The following DACH2 variants were observed in gnomAD, a reference collection of about 807,000 sequenced individuals.
The protein encoded by DACH2 is dachshund homolog 2.
DACH2 carries 17 observed loss-of-function variants against 35.8 expected under a neutral mutation model. The observed-to-expected ratio is 0.48, with a 90% confidence interval of 0.33 to 0.71. The LOEUF is 0.71. DACH2 is among the 30% of genes least tolerant of loss of function. The pLI is 0.02. For synonymous variants in DACH2, 195 were observed against 177.3 expected (o/e 1.10, Z -0.79); for missense variants, 469 against 472.7 (o/e 0.99, Z 0.07).
chrX:86,418,373 C>T (rs1006600832), intron 2 of DACH2, among the ~76,000 whole-genome samples: 1 of 112,272 alleles, frequency 8.9e-6, no homozygotes, highest in East Asian at 2.8e-4. Flanking sequence ...CATGAGAACC[C>T]TTTCCCTGCA....
At chrX:86,819,604 T>C (rs776504871) in intron 11 of DACH2, among the ~76,000 whole-genome samples, 15 of 112,152 alleles carry the variant, frequency 1.3e-4, no homozygotes, top group African/African-American at 4.8e-4. Flanking sequence ...TTCTGCCATT[T>C]AGTTATTATC....
intron 2 of DACH2, among the ~76,000 whole-genome samples, chrX:86,413,322 C>T (rs973337709): frequency 3.6e-5 from 4 of 111,913 alleles, no homozygotes; most frequent in African/African-American, 6.5e-5. Context: ...TTGCTGGTCT[C>T]GCCAGCTGAA....
chrX:86,651,461 A>G (rs2040477520), intron 4 of DACH2, among the ~76,000 whole-genome samples: 1 of 106,178 alleles, frequency 9.4e-6, no homozygotes, highest in Admixed American at 1.0e-4. Context: ...AGACTGGTCC[A>G]CTCAGCATCA....
intron 1 of DACH2, among the ~76,000 whole-genome samples, chrX:86,212,933 TC>T (rs2032480905): frequency 9.0e-6 from 1 of 111,472 alleles, no homozygotes; most frequent in African/African-American, 3.3e-5. Flanking sequence ...GTGACTTACT[TC>T]CGCCATAGAA....
chrX:86,337,070 G>A (rs1007803586), intron 1 of DACH2, among the ~76,000 whole-genome samples: 7 of 110,390 alleles, frequency 6.3e-5, no homozygotes, highest in Non-Finnish European at 1.1e-4. Flanking sequence ...AGAAATATGG[G>A]AATATGTGAA....
chrX:86,284,158 G>A (rs897100997), intron 1 of DACH2, among the ~76,000 whole-genome samples: 1 of 111,452 alleles, frequency 9.0e-6, no homozygotes, highest in Non-Finnish European at 1.9e-5. Context: ...GATGAAAGTG[G>A]GCATTCTTGT....
intron 1 of DACH2, among the ~76,000 whole-genome samples, chrX:86,223,943 G>T (rs184299183): frequency 3.6e-5 from 4 of 111,929 alleles, no homozygotes; most frequent in Non-Finnish European, 7.5e-5. Context: ...TGTATAGCTT[G>T]TATGTCTTAG....
At chrX:86,767,913 TTTTGTTTG>T (rs763857268) in intron 7 of DACH2, among the ~76,000 whole-genome samples, 16 of 110,921 alleles carry the variant, frequency 1.4e-4, no homozygotes, top group African/African-American at 4.0e-4. Context: ...TCTGATGGGG[TTTTGTTTG>T]TTTGTTTGTT....
At chrX:86,811,809 T>C (rs1435815717) in intron 7 of DACH2, among the ~76,000 whole-genome samples, 3 of 112,176 alleles carry the variant, frequency 2.7e-5, no homozygotes, top group Non-Finnish European at 3.8e-5. Flanking sequence ...AATAACCAAG[T>C]ATTCAGGGTT....
intron 1 of DACH2, among the ~76,000 whole-genome samples, chrX:86,237,570 T>G (rs993208485): frequency 3.9e-4 from 43 of 111,504 alleles, no homozygotes; most frequent in Non-Finnish European, 3.2e-4. Context: ...GCCCGAGTTT[T>G]TACTTGAGCC....
intron 7 of DACH2, among the ~76,000 whole-genome samples, chrX:86,767,928 TG>T (rs766953710): frequency 9.0e-6 from 1 of 111,328 alleles, no homozygotes; most frequent in East Asian, 2.8e-4. Context: ...TTTGTTTGTT[TG>T]TTTGTTGTTT....
chrX:86,675,747 G>GTT (rs201773598), intron 4 of DACH2, among the ~76,000 whole-genome samples: 13 of 108,892 alleles, frequency 1.2e-4, no homozygotes, highest in African/African-American at 3.7e-4. Context: ...GAAATTAAGA[G>GTT]TTTTTTTTTC....
At chrX:86,758,646 A>G (rs1439898144) in intron 7 of DACH2, among the ~76,000 whole-genome samples, 3 of 112,036 alleles carry the variant, frequency 2.7e-5, no homozygotes, top group Non-Finnish European at 1.9e-5. Context: ...GTCTTCTCAT[A>G]TATAATCTGT....
At chrX:86,405,952 C>G (rs2036521084) in intron 2 of DACH2, among the ~76,000 whole-genome samples, 1 of 110,743 alleles carries the variant, frequency 9.0e-6, no homozygotes. Flanking sequence ...GTGGGGAACC[C>G]CCTTATGAAA....
chrX:86,399,674 A>T (rs1478730465), intron 2 of DACH2, among the ~76,000 whole-genome samples: 1 of 111,610 alleles, frequency 9.0e-6, no homozygotes, highest in Non-Finnish European at 1.9e-5. Flanking sequence ...TTCTGGGTTG[A>T]AAATTCTTTT....
rs140342628 is a variant in DACH2 at position 86,263,086 on chromosome X, C to G, written c.489-113738C>G. On this transcript the variant is annotated intron_variant, in intron 1 of 11. Transcript: ENST00000373125. ...AGAAAAAAGCATCATAATAATAGACCAGCTGCTGCAGGACATTATGTAAGG... is the reference window on the plus strand; with the variant it reads ...AGAAAAAAGCATCATAATAATAGACGAGCTGCTGCAGGACATTATGTAAGG... The G allele has an allele frequency of 5.0e-5, 26 of 515,986 alleles. No individual in the cohort carries two copies. In the African/African-American group the frequency reaches 5.7e-4, roughly 11 times the overall value. The allele number at this position is 515,986 out of a possible 1,213,427, so 42.5% of individuals were successfully genotyped here.
At chrX:86,278,325 G>A (rs1602347621) in intron 1 of DACH2, among the ~76,000 whole-genome samples, 1 of 111,622 alleles carries the variant, frequency 9.0e-6, no homozygotes, top group East Asian at 2.8e-4. Context: ...ACGAAGTTTT[G>A]CCTCATCTGC....
chrX:86,410,283 A>C (rs1320366924), intron 2 of DACH2, among the ~76,000 whole-genome samples: 1 of 112,425 alleles, frequency 8.9e-6, no homozygotes, highest in Non-Finnish European at 1.9e-5. Flanking sequence ...TCAGTATGAG[A>C]TAAAGTTGTT....
At chrX:86,326,768 G>C (rs918638531) in intron 1 of DACH2, among the ~76,000 whole-genome samples, 1 of 110,928 alleles carries the variant, frequency 9.0e-6, no homozygotes, top group African/African-American at 3.3e-5. Context: ...GCTTCCACTT[G>C]TAAGTGAGAA....
Sources: allele counts gnomAD v4.1 joint callset (sites outside exome capture counted in the v4.1 genomes callset), GRCh38; gene constraint gnomAD v4.1.1; transcripts MANE v1.5; gene names NCBI Gene and HGNC (gene_info 2026-07-23, HGNC 2026-07-21).